The following GRM7 variants were observed in gnomAD, a reference collection of about 807,000 sequenced individuals.
The protein encoded by GRM7 is metabotropic glutamate receptor 7.
Under a neutral mutation model 84.5 loss-of-function variants are expected in GRM7, and 35 were observed. The observed-to-expected ratio is 0.41, with a 90% CI of 0.32 to 0.55. GRM7 has a LOEUF of 0.55. GRM7 is among the 20% of genes least tolerant of loss of function. The pLI, the probability that GRM7 is intolerant of heterozygous loss-of-function variation, is 0.19. For missense variants in GRM7, 1,003 were observed against 1,194.6 expected (o/e 0.84, Z 2.36); for synonymous variants, 487 against 455.1 (o/e 1.07, Z -0.89).
chr3:7,532,225 T>A (rs1001258916), intron 7 of GRM7, among the ~76,000 whole-genome samples: 6 of 152,312 alleles, frequency 3.9e-5, no homozygotes, highest in Admixed American at 1.3e-4. Flanking sequence ...TCTGGTAGAA[T>A]TAATTCGGCT....
At chr3:7,066,033 C>T (rs34036097) in intron 1 of GRM7, among the ~76,000 whole-genome samples, 16,330 of 151,556 alleles carry the variant, frequency 0.11, 1,164 homozygotes, top group African/African-American at 0.2. Context: ...AAGGCGGTGC[C>T]AAGAGGAAAG....
intron 2 of GRM7, among the ~76,000 whole-genome samples, chr3:7,185,325 T>A (rs895943925): frequency 6.6e-6 from 1 of 152,100 alleles, no homozygotes; most frequent in Non-Finnish European, 1.5e-5. Context: ...GTGATGGGGT[T>A]TTTTTGGCTT....
At chr3:7,468,428 A>C (rs754725805) in intron 7 of GRM7, among the ~76,000 whole-genome samples, 4 of 152,358 alleles carry the variant, frequency 2.6e-5, no homozygotes, top group Non-Finnish European at 2.9e-5. Context: ...GCTGTAAAGC[A>C]GGCTTATGGT....
intron 1 of GRM7, among the ~76,000 whole-genome samples, chr3:6,974,879 A>G (rs1223100816): frequency 6.6e-6 from 1 of 152,172 alleles, no homozygotes; most frequent in East Asian, 1.9e-4. Flanking sequence ...CAGGAATGAA[A>G]TCATGGTGGA....
At chr3:7,410,503 G>A (rs977885317) in intron 4 of GRM7, among the ~76,000 whole-genome samples, 1 of 151,876 alleles carries the variant, frequency 6.6e-6, no homozygotes, top group African/African-American at 2.4e-5. Flanking sequence ...AGCCTGGTGG[G>A]TTGAGGCTGC....
intron 4 of GRM7, among the ~76,000 whole-genome samples, chr3:7,343,862 T>C (rs1047386190): frequency 5.3e-5 from 8 of 152,138 alleles, no homozygotes; most frequent in Non-Finnish European, 1.0e-4. Flanking sequence ...TGCCACGATA[T>C]TCCTTCATAT....
chr3:7,736,089 T>C (rs938445267), intron 9 of GRM7, among the ~76,000 whole-genome samples: 1 of 152,214 alleles, frequency 6.6e-6, no homozygotes, highest in African/African-American at 2.4e-5. Flanking sequence ...AGGCATTAAA[T>C]GCTATCTTAT....
chr3:7,333,272 G>A (rs1701279858), intron 4 of GRM7, among the ~76,000 whole-genome samples: 1 of 152,130 alleles, frequency 6.6e-6, no homozygotes, highest in African/African-American at 2.4e-5. Flanking sequence ...ACCTCCACCT[G>A]AGCAGGTGCT....
Position 7,142,597 on chromosome 3 carries a change from C to T in GRM7, c.520-3855C>T, listed in dbSNP as rs867093986. Among the ~76,000 whole-genome samples the T allele has an allele frequency of 3.7e-4, 56 of 152,136 alleles. 1 individual carries two copies. The highest frequency in any genetic ancestry group is 2.9e-3 in the Admixed American group (44 of 15,266). The stretch of plus-strand genomic sequence containing the variant: ...TTGGTCTCTGGAGATGTGGAAATTA[C>T]GGGGATTATGTAGATTATAGTTCTT... On this transcript the variant is annotated intron_variant, in intron 1 of 9. Coordinates refer to ENST00000357716, the MANE Select transcript of GRM7 (RefSeq NM_000844.4).
chr3:6,929,132 A>C (rs559342244), intron 1 of GRM7, among the ~76,000 whole-genome samples: 28 of 152,244 alleles, frequency 1.8e-4, no homozygotes, highest in Non-Finnish European at 3.8e-4. Flanking sequence ...TCAGTAAAAA[A>C]TCACAGTCAA....
At chr3:6,918,980 T>C (rs1314955704) in intron 1 of GRM7, among the ~76,000 whole-genome samples, 1 of 152,166 alleles carries the variant, frequency 6.6e-6, no homozygotes, top group African/African-American at 2.4e-5. Context: ...CATATGAGTA[T>C]GTTTGTAAAC....
chr3:7,104,028 G>A (rs1042092509), intron 1 of GRM7, among the ~76,000 whole-genome samples: 3 of 151,538 alleles, frequency 2.0e-5, no homozygotes, highest in Non-Finnish European at 3.0e-5. Context: ...AAACCCCAAT[G>A]TGAAGACATT....
chr3:7,266,606 T>C (rs1698649774), intron 2 of GRM7, among the ~76,000 whole-genome samples: 1 of 152,212 alleles, frequency 6.6e-6, no homozygotes, highest in Non-Finnish European at 1.5e-5. Flanking sequence ...ATGCCTTTTT[T>C]TTTAACCAAA....
chr3:6,930,960 C>T (rs1047645711), intron 1 of GRM7, among the ~76,000 whole-genome samples: 3 of 152,208 alleles, frequency 2.0e-5, no homozygotes, highest in Non-Finnish European at 4.4e-5. Context: ...GAACTGCCTC[C>T]AGTTACTGGG....
chr3:7,607,538 T>A (rs1696640722), intron 8 of GRM7: 1 of 148,180 alleles, frequency 6.7e-6, no homozygotes, highest in Non-Finnish European at 1.5e-5. Flanking sequence ...ATATATATAG[T>A]TTCATTTTTT....
intron 8 of GRM7, among the ~76,000 whole-genome samples, chr3:7,655,736 A>G (rs190763387): frequency 1.1e-4 from 17 of 152,152 alleles, no homozygotes; most frequent in African/African-American, 4.1e-4. Flanking sequence ...CAGGAAAGAA[A>G]CCCCCTATGA....
intron 2 of GRM7, among the ~76,000 whole-genome samples, chr3:7,204,186 C>T (rs985154791): frequency 2.0e-5 from 3 of 152,316 alleles, no homozygotes; most frequent in East Asian, 1.9e-4. Context: ...GTCACCCACT[C>T]GAACATGTGG....
At chr3:7,532,025 A>G (rs1165131232) in intron 7 of GRM7, among the ~76,000 whole-genome samples, 4 of 151,926 alleles carry the variant, frequency 2.6e-5, no homozygotes, top group African/African-American at 9.7e-5. Context: ...GTTTGCTAGT[A>G]TTTTTTTGAG....
At chr3:7,154,749 C>A (rs868352829) in intron 2 of GRM7, among the ~76,000 whole-genome samples, 9 of 152,184 alleles carry the variant, frequency 5.9e-5, no homozygotes, top group Admixed American at 3.9e-4. Context: ...TGATAGTTTA[C>A]ATTGGGAAGT....
Sources: allele counts gnomAD v4.1 joint callset (sites outside exome capture counted in the v4.1 genomes callset), GRCh38; gene constraint gnomAD v4.1.1; transcripts MANE v1.5; gene names NCBI Gene and HGNC (gene_info 2026-07-23, HGNC 2026-07-21).